MPPED2: variants seen among roughly 807,000 people sequenced by gnomAD.
MPPED2 encodes the protein metallophosphoesterase domain containing 2.
Under a neutral mutation model 33.0 loss-of-function variants are expected in MPPED2, and 5 were observed. The observed-to-expected ratio is 0.15, with a 90% CI of 0.08 to 0.32. The LOEUF is 0.32. MPPED2 is among the 10% of genes least tolerant of loss of function. The pLI, the probability that MPPED2 is intolerant of heterozygous loss-of-function variation, is 1.00. For synonymous variants in MPPED2, 136 were observed against 141.9 expected, an observed-to-expected ratio of 0.96 and a Z score of 0.29; for missense variants, 275 against 372.1, an observed-to-expected ratio of 0.74 and a Z score of 2.15.
At chr11:30,539,563 C>T (rs1290328045) in intron 2 of MPPED2, among the ~76,000 whole-genome samples, 1 of 152,020 alleles carries the variant, frequency 6.6e-6, no homozygotes, top group Non-Finnish European at 1.5e-5. Flanking sequence ...CTCCTCTATC[C>T]CTTCCCTCTA....
At chr11:30,456,001 T>A (rs1389496350) in intron 4 of MPPED2, among the ~76,000 whole-genome samples, 1 of 152,238 alleles carries the variant, frequency 6.6e-6, no homozygotes, top group East Asian at 1.9e-4. Context: ...AAAACCTCTG[T>A]GTCTTGCCTT....
intron 4 of MPPED2, among the ~76,000 whole-genome samples, chr11:30,473,182 T>C (rs1337641029): frequency 6.6e-6 from 1 of 152,222 alleles, no homozygotes; most frequent in Non-Finnish European, 1.5e-5. Flanking sequence ...TTTTGGCTGA[T>C]TCTCTCTGTG....
At chr11:30,492,208 T>G (rs180973006) in intron 4 of MPPED2, among the ~76,000 whole-genome samples, 23 of 145,860 alleles carry the variant, frequency 1.6e-4, no homozygotes, top group African/African-American at 5.6e-4. Context: ...TTAGTCTGTT[T>G]GTTCGATTGC....
At chr11:30,483,226 T>G (rs1038754966) in intron 4 of MPPED2, among the ~76,000 whole-genome samples, 2 of 152,210 alleles carry the variant, frequency 1.3e-5, no homozygotes, top group African/African-American at 4.8e-5. Context: ...TTTTCAGAAC[T>G]TATCTTTTTA....
At chr11:30,449,352 G>T (rs183522839) in intron 4 of MPPED2, among the ~76,000 whole-genome samples, 32 of 152,274 alleles carry the variant, frequency 2.1e-4, no homozygotes, top group Non-Finnish European at 4.1e-4. Flanking sequence ...AAGCAACGGA[G>T]AATCAACAGA....
Position 30,580,488 on chromosome 11 carries a change from T to G in MPPED2, c.-115A>C, listed in dbSNP as rs897740823. 71 of 1,448,206 alleles carry G rather than the reference T, an allele frequency of 4.9e-5. No homozygotes were observed. Among genetic ancestry groups the G allele is most frequent in the Non-Finnish European group, 2.6e-5 (29 of 1,094,772 alleles). The allele number at this position is 1,448,206 out of a possible 1,614,324, so 89.7% of individuals were successfully genotyped here. On this transcript the variant is annotated 5_prime_UTR_variant, in exon 2 of 7. Coordinates refer to ENST00000358117, the MANE Select transcript of MPPED2 (RefSeq NM_001584.3). ...AAGGATCTACTCATCAATACCGCTG[T>G]GCATTTCTGAAAGAAAAAAAAAATG...
intron 4 of MPPED2, among the ~76,000 whole-genome samples, chr11:30,452,502 T>G (rs1450984894): frequency 2.0e-5 from 3 of 152,216 alleles, no homozygotes; most frequent in Non-Finnish European, 4.4e-5. Flanking sequence ...GTATTTCTCT[T>G]GAGGTTTTTC....
intron 3 of MPPED2, among the ~76,000 whole-genome samples, chr11:30,499,803 C>T (rs1337824634): frequency 6.6e-6 from 1 of 152,136 alleles, no homozygotes; most frequent in East Asian, 1.9e-4. Context: ...CCAATTCAGC[C>T]CTCAGATGTG....
chr11:30,520,963 C>G (rs1953842218), intron 3 of MPPED2, among the ~76,000 whole-genome samples: 1 of 151,920 alleles, frequency 6.6e-6, no homozygotes, highest in South Asian at 2.1e-4. Context: ...AGCAGCAGCC[C>G]CAACCAGAAA....
intron 4 of MPPED2, among the ~76,000 whole-genome samples, chr11:30,461,234 A>G (rs1349827248): frequency 6.6e-6 from 1 of 152,190 alleles, no homozygotes; most frequent in Admixed American, 6.5e-5. Context: ...GGTAGTTATC[A>G]TTTAATGGAT....
intron 2 of MPPED2, among the ~76,000 whole-genome samples, chr11:30,579,119 T>TA (rs1957053838): frequency 6.6e-6 from 1 of 151,612 alleles, no homozygotes; most frequent in African/African-American, 2.4e-5. Flanking sequence ...AACATCCTAG[T>TA]ATTTACACTA....
intron 4 of MPPED2, among the ~76,000 whole-genome samples, chr11:30,430,601 A>G (rs1773016319): frequency 6.6e-6 from 1 of 152,236 alleles, no homozygotes; most frequent in African/African-American, 2.4e-5. Flanking sequence ...ATTACATCCT[A>G]ATGAAATAAT....
intron 3 of MPPED2, among the ~76,000 whole-genome samples, chr11:30,525,288 A>C (rs941584243): frequency 6.6e-6 from 1 of 152,224 alleles, no homozygotes; most frequent in African/African-American, 2.4e-5. Context: ...CTGAGGATGA[A>C]GTCTCTTCAT....
In MPPED2 at chr11:30,513,576, T is replaced by G. The variant is rs145288507; in HGVS notation, c.311-18055A>C. ...ACTGTAGATGGATAAGACAGAAGGTTAAACTGCTCCAAACAGCCATGAAAC... is the reference window on the plus strand; with the variant it reads ...ACTGTAGATGGATAAGACAGAAGGTGAAACTGCTCCAAACAGCCATGAAAC... On this transcript the variant is annotated intron_variant, in intron 3 of 6. Transcript: ENST00000358117. Among the ~76,000 whole-genome samples the G allele has an allele frequency of 9.9e-3, 1,503 of 152,268 alleles. 24 individuals are homozygous for G. The highest frequency in any genetic ancestry group is 0.034 in the African/African-American group (1,424 of 41,546).
chr11:30,576,944 G>A (rs1447484863), intron 2 of MPPED2, among the ~76,000 whole-genome samples: 1 of 151,986 alleles, frequency 6.6e-6, no homozygotes, highest in Non-Finnish European at 1.5e-5. Flanking sequence ...AGAGAGCTTG[G>A]TGGTAATCTT....
intron 4 of MPPED2, among the ~76,000 whole-genome samples, chr11:30,464,523 G>A (rs1352169102): frequency 6.6e-6 from 1 of 152,062 alleles, no homozygotes; most frequent in Admixed American, 6.5e-5. Flanking sequence ...ATTTTAATAA[G>A]CCACTTTGAA....
chr11:30,466,134 G>T (rs1285823436), intron 4 of MPPED2, among the ~76,000 whole-genome samples: 1 of 152,178 alleles, frequency 6.6e-6, no homozygotes, highest in African/African-American at 2.4e-5. Context: ...AAGAAGAATA[G>T]ATCTATAACT....
chr11:30,516,026 A>G (rs553606824), intron 3 of MPPED2, among the ~76,000 whole-genome samples: 2 of 152,206 alleles, frequency 1.3e-5, no homozygotes, highest in Non-Finnish European at 1.5e-5. Context: ...CAGCAAATGC[A>G]TGGTATGAGT....
intron 6 of MPPED2, among the ~76,000 whole-genome samples, chr11:30,402,884 C>T (rs1271815050): frequency 6.6e-6 from 1 of 152,124 alleles, no homozygotes; most frequent in Non-Finnish European, 1.5e-5. Context: ...GATGTGAAAC[C>T]AACATATTGC....
Sources: gnomAD v4.1 joint callset for allele counts (sites outside exome capture counted in the v4.1 genomes callset) on GRCh38, gnomAD v4.1.1 for gene constraint, MANE v1.5 for transcripts, NCBI Gene and HGNC (gene_info 2026-07-23, HGNC 2026-07-21) for gene names.